NIN: variants seen among roughly 807,000 people sequenced by gnomAD.
NIN encodes glycogen synthase kinase 3 beta-interacting protein.
Under a neutral mutation model 257.6 loss-of-function variants are expected in NIN, and 137 were observed. The observed-to-expected ratio is 0.53, with a 90% CI of 0.46 to 0.61. NIN has a LOEUF of 0.61. Ranked by LOEUF, NIN falls within the 20% of genes least tolerant of loss-of-function variation. NIN has a pLI of 0.00. For synonymous variants in NIN, 918 were observed against 919.8 expected (o/e 1.00, Z 0.04); for missense variants, 2,439 against 2,501.2 (o/e 0.98, Z 0.53).
At chr14:50,822,143 T>C (rs1434923715) in intron 2 of NIN, 66 bp from the exon 3 acceptor site, 12 of 1,174,166 alleles carry the variant, frequency 1.0e-5, no homozygotes, top group Non-Finnish European at 1.5e-5. Flanking sequence ...GGTCACCACC[T>C]GGCACATTCC....
chr14:50,771,137 T>C, intron 10 of NIN, 145 bp from the exon 11 acceptor site: 1 of 1,182,620 alleles, frequency 8.5e-7, no homozygotes, highest in Middle Eastern at 2.2e-4. Flanking sequence ...ACTCCACCCT[T>C]CCCTTCAAAA....
At chr14:50,823,993 T>G (rs1181677898) in intron 2 of NIN, among the ~76,000 whole-genome samples, 1 of 152,198 alleles carries the variant, frequency 6.6e-6, no homozygotes, top group East Asian at 1.9e-4. Context: ...AACTAAGATC[T>G]GCTGAGAATC....
intron 30 of NIN, among the ~76,000 whole-genome samples, chr14:50,725,145 A>G: frequency 6.6e-6 from 1 of 152,174 alleles, no homozygotes; most frequent in South Asian, 2.1e-4. Flanking sequence ...CAGGACAACC[A>G]AAAGTTGCTG....
At chr14:50,729,939 TA>T (rs917959768) in intron 28 of NIN, among the ~76,000 whole-genome samples, 4 of 152,076 alleles carry the variant, frequency 2.6e-5, no homozygotes, top group Non-Finnish European at 5.9e-5. Flanking sequence ...TAGGCTTTCT[TA>T]AAAGTTTTAG....
intron 12 of NIN, among the ~76,000 whole-genome samples, chr14:50,768,285 C>T (rs759200141): frequency 6.6e-6 from 1 of 152,086 alleles, no homozygotes; most frequent in Non-Finnish European, 1.5e-5. Flanking sequence ...TACTACCTTC[C>T]CCTAAAATGC....
In NIN at chr14:50,735,531, A is replaced by G. The variant is rs2140422015; in HGVS notation, c.5862T>C (p.Asp1954=). 3 of 1,613,248 alleles carry G rather than the reference A, an allele frequency of 1.9e-6. No homozygotes were observed. Among genetic ancestry groups the G allele is most frequent in the East Asian group, 4.5e-5 (2 of 44,874 alleles). Residue 1954 remains aspartate (D), a synonymous_variant, in exon 28 of 31, where the codon GAT becomes GAC. Transcript: ENST00000530997. ...AGAAACTTACCTCCATGAGCTGCTC[A>G]TCCAGTTTTACTTGTTTCTTTTTCA... ...EGLKKKQVKL[D]EQLMEMQHLR...
intron 3 of NIN, among the ~76,000 whole-genome samples, chr14:50,818,023 C>T (rs1174147095): frequency 1.3e-5 from 2 of 149,746 alleles, no homozygotes; most frequent in Non-Finnish European, 3.0e-5. Flanking sequence ...GCCAAGAATG[C>T]ATTTTTAAAA....
Position 50,723,295 on chromosome 14 carries a change from T to C in NIN, c.*168A>G. The C allele has an allele frequency of 2.0e-6, 1 of 509,900 alleles. No homozygotes were observed. The highest frequency in any genetic ancestry group is 3.4e-6 in the Non-Finnish European group (1 of 292,774). 31.6% of individuals were successfully genotyped at this position (509,900 alleles called of 1,614,324 possible). On this transcript the variant is annotated 3_prime_UTR_variant, in exon 31 of 31. Coordinates refer to ENST00000530997, the MANE Select transcript of NIN (RefSeq NM_020921.4). ...AAGTAGTGAAATATGTGAGTATTTA[T>C]TTTCAAACTCCCATAAGGGTCTATT...
intron 2 of NIN, among the ~76,000 whole-genome samples, chr14:50,823,021 A>G (rs1037792952): frequency 6.6e-6 from 1 of 152,140 alleles, no homozygotes; most frequent in Non-Finnish European, 1.5e-5. Context: ...TCACCTACCC[A>G]TACTCCAGGC....
At chr14:50,753,372 C>G (rs1234844927) in intron 20 of NIN, among the ~76,000 whole-genome samples, 1 of 152,116 alleles carries the variant, frequency 6.6e-6, no homozygotes, top group Non-Finnish European at 1.5e-5. Flanking sequence ...TGCACTCCAG[C>G]CTGGGCAACA....
Position 50,788,465 on chromosome 14 carries a change from T to C in NIN, c.435+4247A>G, listed in dbSNP as rs373966465. On this transcript the variant is annotated intron_variant, in intron 5 of 30. Coordinates refer to ENST00000530997, the MANE Select transcript of NIN (RefSeq NM_020921.4). ...GGGAGATGAAGGGTGGAGTTGTAAG[T>C]AGACTGCAGTGAATGATTCTCAGTA... Among the ~76,000 whole-genome samples, 41 of 152,336 alleles carry C rather than the reference T, an allele frequency of 2.7e-4. No individual in the cohort carries two copies. In the East Asian group the frequency reaches 6.9e-3, roughly 26 times the overall value.
At chr14:50,791,558 T>A (rs1028475886) in intron 5 of NIN, among the ~76,000 whole-genome samples, 16 of 151,420 alleles carry the variant, frequency 1.1e-4, no homozygotes, top group East Asian at 1.9e-4. Context: ...TTTGTTTTTT[T>A]AAAAAAAAAT....
At chr14:50,827,099 C>A (rs2045490468) in intron 2 of NIN, among the ~76,000 whole-genome samples, 2 of 152,346 alleles carry the variant, frequency 1.3e-5, no homozygotes, top group Admixed American at 1.3e-4. Context: ...TTAAAGTGCT[C>A]TTTTTCTTCT....
In NIN at chr14:50,723,068, A is replaced by G. The variant is rs916442892; in HGVS notation, c.*395T>C. 9.1e-6 allele frequency: 2 copies of G among 218,632 alleles called. No homozygotes were observed. Among genetic ancestry groups the G allele is most frequent in the African/African-American group, 4.5e-5 (2 of 44,260 alleles). 13.5% of individuals were successfully genotyped at this position (218,632 alleles called of 1,614,324 possible). ...GAACACCTAAATTTGGTTTTAAAAT[A>G]AAGTTTATAACAACCATTCTCATCA... On this transcript the variant is annotated 3_prime_UTR_variant, in exon 31 of 31. Coordinates refer to ENST00000530997, the MANE Select transcript of NIN (RefSeq NM_020921.4).
intron 5 of NIN, among the ~76,000 whole-genome samples, chr14:50,779,457 C>G (rs2043041935): frequency 6.6e-6 from 1 of 152,112 alleles, no homozygotes. Flanking sequence ...TGCAGAGAGC[C>G]AAATGAAAAG....
chr14:50,768,390 G>A (rs765134424), intron 12 of NIN, among the ~76,000 whole-genome samples: 3 of 152,188 alleles, frequency 2.0e-5, no homozygotes, highest in Non-Finnish European at 4.4e-5. Context: ...CTGGTGCTCT[G>A]GAAATTGACA....
At position 50,770,995 on chromosome 14, in the gene NIN, A is replaced by T. The variant is rs1288955612; in HGVS notation, c.1119-3T>A. On this transcript the variant is annotated splice_polypyrimidine_tract_variant and splice_region_variant and intron_variant, in intron 10 of 30. Transcript: ENST00000530997. ...TGACCACCTGATCAACTCGTTCCCT[A>T]GGATCAGAAGTACACTGAGTTAATG... 1 of 1,613,094 alleles carries T rather than the reference A, an allele frequency of 6.2e-7. No homozygotes were observed. Among genetic ancestry groups the T allele is most frequent in the Non-Finnish European group, 8.5e-7 (1 of 1,179,564 alleles).
At chr14:50,788,315 C>T (rs2043432561) in intron 5 of NIN, among the ~76,000 whole-genome samples, 1 of 152,194 alleles carries the variant, frequency 6.6e-6, no homozygotes, top group South Asian at 2.1e-4. Flanking sequence ...CTCCAAGTCG[C>T]TTGTAAGTAA....
chr14:50,743,582 G>C (rs1340857017), intron 23 of NIN, 53 bp from the exon 24 acceptor site: 1 of 1,077,508 alleles, frequency 9.3e-7, no homozygotes, highest in African/African-American at 1.5e-5. Flanking sequence ...AACATAGCTA[G>C]CCTTAATTTA....
Sources: gnomAD v4.1 joint callset for allele counts (sites outside exome capture counted in the v4.1 genomes callset) on GRCh38, gnomAD v4.1.1 for gene constraint, MANE v1.5 for transcripts, NCBI Gene and HGNC (gene_info 2026-07-23, HGNC 2026-07-21) for gene names.